The following GPC5 variants were observed in gnomAD, a reference collection of about 807,000 sequenced individuals.
GPC5 encodes the protein glypican-5.
In GPC5, 47 loss-of-function variants were observed where a neutral mutation model predicts 53.9. The ratio of observed to expected loss-of-function variants is 0.87; its 90% CI spans 0.69 to 1.11. The LOEUF is 1.11. Ranked by LOEUF, GPC5 falls within the 50% of genes most tolerant of loss-of-function variation. GPC5 has a pLI of 0.00. For missense variants in GPC5, 748 were observed against 713.1 expected, an observed-to-expected ratio of 1.05 and a Z score of -0.56; for synonymous variants, 286 against 263.3, an observed-to-expected ratio of 1.09 and a Z score of -0.84.
intron 2 of GPC5, among the ~76,000 whole-genome samples, chr13:91,538,320 T>C (rs1483103981): frequency 2.0e-5 from 3 of 152,164 alleles, no homozygotes; most frequent in Non-Finnish European, 2.9e-5. Flanking sequence ...CCCAATTGCA[T>C]AGGGAGGAGT....
At chr13:92,720,543 T>A (rs192931161) in intron 7 of GPC5, among the ~76,000 whole-genome samples, 214 of 152,254 alleles carry the variant, frequency 1.4e-3, no homozygotes, top group Admixed American at 0.011. Context: ...GATTTTATAA[T>A]CTCGGGATTT....
chr13:91,715,458 A>G (rs956201319), intron 3 of GPC5, among the ~76,000 whole-genome samples: 9 of 152,204 alleles, frequency 5.9e-5, no homozygotes, highest in Admixed American at 2.0e-4. Flanking sequence ...GTGGAGAAGT[A>G]TAGAGTATAA....
chr13:92,472,875 A>C (rs1321471157), intron 7 of GPC5, among the ~76,000 whole-genome samples: 1 of 152,140 alleles, frequency 6.6e-6, no homozygotes, highest in African/African-American at 2.4e-5. Context: ...AATCTTAAGA[A>C]GTATGTAAAC....
chr13:91,979,794 A>G (rs2040341063), intron 6 of GPC5, among the ~76,000 whole-genome samples: 1 of 142,332 alleles, frequency 7.0e-6, no homozygotes, highest in Non-Finnish European at 1.6e-5. Context: ...ATGTAATAAG[A>G]TTGCAGCAAC....
chr13:92,683,058 C>G (rs1036998041), intron 7 of GPC5, among the ~76,000 whole-genome samples: 4 of 152,104 alleles, frequency 2.6e-5, no homozygotes, highest in African/African-American at 9.7e-5. Flanking sequence ...GGAGTGTTGA[C>G]TGACACTGCA....
At chr13:92,191,338 A>C (rs931952496) in intron 7 of GPC5, among the ~76,000 whole-genome samples, 1 of 152,180 alleles carries the variant, frequency 6.6e-6, no homozygotes, top group African/African-American at 2.4e-5. Context: ...ATCATTACTC[A>C]TCTATAAAAA....
intron 7 of GPC5, among the ~76,000 whole-genome samples, chr13:92,620,714 G>C (rs1290123347): frequency 6.6e-6 from 1 of 152,122 alleles, no homozygotes; most frequent in Non-Finnish European, 1.5e-5. Flanking sequence ...AGTGTAGGCA[G>C]AGTGTGGGAA....
intron 7 of GPC5, among the ~76,000 whole-genome samples, chr13:92,471,012 T>C (rs983801296): frequency 1.3e-5 from 2 of 152,058 alleles, no homozygotes. Context: ...ATGTAGGAGA[T>C]GGAGACTGAC....
At chr13:92,303,830 T>A (rs1196658391) in intron 7 of GPC5, among the ~76,000 whole-genome samples, 1 of 152,238 alleles carries the variant, frequency 6.6e-6, no homozygotes, top group Admixed American at 6.5e-5. Context: ...GTGGCAGGAT[T>A]TGGGCTGGGT....
chr13:91,960,546 G>A (rs994462914), intron 6 of GPC5, among the ~76,000 whole-genome samples: 1 of 150,624 alleles, frequency 6.6e-6, no homozygotes, highest in African/African-American at 2.4e-5. Context: ...ATTTTACATA[G>A]AAATAGAAAA....
At chr13:91,666,772 C>T (rs148585831) in intron 2 of GPC5, among the ~76,000 whole-genome samples, 1,837 of 152,146 alleles carry the variant, frequency 0.012, 34 homozygotes, top group African/African-American at 0.042. Flanking sequence ...ATGGCTAATG[C>T]TACTTTAGAT....
chr13:91,820,436 A>G (rs910444044), intron 5 of GPC5, among the ~76,000 whole-genome samples: 10 of 152,132 alleles, frequency 6.6e-5, no homozygotes, highest in Admixed American at 5.9e-4. Context: ...TTCTATTTAA[A>G]TTGATTTCCA....
intron 7 of GPC5, among the ~76,000 whole-genome samples, chr13:92,284,033 C>T (rs1360862267): frequency 6.6e-6 from 1 of 151,950 alleles, no homozygotes; most frequent in African/African-American, 2.4e-5. Context: ...CAAATAGACA[C>T]AATAAAAAAT....
intron 7 of GPC5, among the ~76,000 whole-genome samples, chr13:92,597,871 A>G (rs923905097): frequency 6.6e-6 from 1 of 152,198 alleles, no homozygotes; most frequent in Admixed American, 6.5e-5. Flanking sequence ...GTTGCTGTTC[A>G]TCCACTTATT....
intron 7 of GPC5, among the ~76,000 whole-genome samples, chr13:92,703,699 A>C (rs1887843574): frequency 6.6e-6 from 1 of 151,152 alleles, no homozygotes. Flanking sequence ...AATATTTTAG[A>C]TATATTTTAT....
chr13:91,684,667 G>C (rs2035582332), intron 2 of GPC5, among the ~76,000 whole-genome samples: 1 of 152,094 alleles, frequency 6.6e-6, no homozygotes, highest in Non-Finnish European at 1.5e-5. Flanking sequence ...CTTTAAACTG[G>C]GCTTCCTGTT....
chr13:91,717,101 A>G (rs1160470197), intron 3 of GPC5, among the ~76,000 whole-genome samples: 2 of 152,234 alleles, frequency 1.3e-5, no homozygotes. Context: ...AGAGCAATTT[A>G]ATTTCATAGG....
chr13:92,619,700 T>C (rs976849991), intron 7 of GPC5, among the ~76,000 whole-genome samples: 10 of 152,002 alleles, frequency 6.6e-5, no homozygotes, highest in South Asian at 2.1e-4. Context: ...TCTAGACAAA[T>C]AGCTGATTGA....
In GPC5 at chr13:91,693,587, G is replaced by A; in HGVS notation, c.726G>A (p.Leu242=). Residue 242 remains leucine, a synonymous_variant, in exon 3 of 8, where the codon CTG becomes CTA. Coordinates refer to ENST00000377067, the MANE Select transcript of GPC5 (RefSeq NM_004466.6). ...AAGTCATCAACACCACAGACTATCT[G>A]CACTTCTCCAAAGAGTGCAGCAGAG... The part of the protein sequence containing the change: ...GIEVINTTDY[L]HFSKECSRAL... 6.2e-7 allele frequency: 1 copy of A among 1,614,076 alleles called. No homozygotes were observed. Among genetic ancestry groups the A allele is most frequent in the East Asian group, 2.2e-5 (1 of 44,844 alleles).
Sources: gnomAD v4.1 joint callset for allele counts (sites outside exome capture counted in the v4.1 genomes callset) on GRCh38, gnomAD v4.1.1 for gene constraint, MANE v1.5 for transcripts, NCBI Gene and HGNC (gene_info 2026-07-23, HGNC 2026-07-21) for gene names.